PTPRG: variants seen among roughly 807,000 people sequenced by gnomAD.
PTPRG encodes the protein receptor-type tyrosine-protein phosphatase gamma.
PTPRG carries 102 observed loss-of-function variants against 165.3 expected under a neutral mutation model. That is an observed-to-expected ratio of 0.62 (90% confidence interval 0.53 to 0.73). The LOEUF is 0.73. Among genes scored for constraint, PTPRG ranks in the 30% least tolerant of loss-of-function variants. The pLI, the probability that PTPRG is intolerant of heterozygous loss-of-function variation, is 0.00. For missense variants in PTPRG, 1,866 were observed against 1,861.4 expected (o/e 1.00, Z -0.05); for synonymous variants, 675 against 669.5 (o/e 1.01, Z -0.13).
chr3:61,956,238 G>C (rs2040025782), intron 2 of PTPRG, among the ~76,000 whole-genome samples: 1 of 151,778 alleles, frequency 6.6e-6, no homozygotes, highest in African/African-American at 2.4e-5. Flanking sequence ...ACATATGTAT[G>C]TCCCCATAAC....
At chr3:61,583,136 G>A (rs1700344176) in intron 1 of PTPRG, among the ~76,000 whole-genome samples, 1 of 152,180 alleles carries the variant, frequency 6.6e-6, no homozygotes, top group African/African-American at 2.4e-5. Flanking sequence ...TTGTATCTTA[G>A]GTGCTTCCTC....
intron 2 of PTPRG, among the ~76,000 whole-genome samples, chr3:61,776,838 C>T (rs1193921250): frequency 6.6e-6 from 1 of 152,044 alleles, no homozygotes; most frequent in African/African-American, 2.4e-5. Flanking sequence ...TACTTCTTTG[C>T]CTAAGTGTTG....
chr3:61,767,164 A>G (rs1479816315), intron 2 of PTPRG, among the ~76,000 whole-genome samples: 1 of 139,994 alleles, frequency 7.1e-6, no homozygotes, highest in African/African-American at 2.6e-5. Flanking sequence ...GAATTCCTTG[A>G]ACCTGAGAGA....
At chr3:61,759,454 A>C (rs1335925987) in intron 2 of PTPRG, among the ~76,000 whole-genome samples, 1 of 151,996 alleles carries the variant, frequency 6.6e-6, no homozygotes, top group African/African-American at 2.4e-5. Context: ...GAGGAGTTCG[A>C]GACCAGCTTG....
At chr3:61,909,896 T>A (rs2038757785) in intron 2 of PTPRG, among the ~76,000 whole-genome samples, 2 of 152,330 alleles carry the variant, frequency 1.3e-5, no homozygotes, top group South Asian at 4.1e-4. Flanking sequence ...AACACTTTTT[T>A]AAAATTTGGA....
Position 62,218,921 on chromosome 3 carries a change from T to C in PTPRG, c.2226T>C (p.Ile742=), listed in dbSNP as rs757650773. The C allele has an allele frequency of 8.7e-6, 14 of 1,613,958 alleles. No homozygotes were observed. The South Asian group carries it at 1.3e-4, about 15-fold the overall frequency. The change falls in exon 13 of 30, where the codon ATT becomes ATC. Residue 742 remains isoleucine (I), a synonymous_variant. Transcript: ENST00000474889. ...PGRMEWIIPL[I]VVSALTFVCL... ...GGATGGAGTGGATCATCCCTCTGAT[T>C]GTGGTATCAGCCTTGACCTTCGTGT...
chr3:62,107,883 A>T (rs960139826), intron 5 of PTPRG, among the ~76,000 whole-genome samples: 3 of 152,210 alleles, frequency 2.0e-5, no homozygotes, highest in Non-Finnish European at 2.9e-5. Context: ...TAGACTTTTT[A>T]GCATATGCTG....
At chr3:61,791,730 C>G (rs9822176) in intron 2 of PTPRG, among the ~76,000 whole-genome samples, 38 of 152,132 alleles carry the variant, frequency 2.5e-4, no homozygotes, top group Non-Finnish European at 5.0e-4. Context: ...TCAGGTGATC[C>G]GCCCATCTCG....
chr3:62,020,850 T>G (rs2041672619), intron 4 of PTPRG, among the ~76,000 whole-genome samples: 1 of 151,626 alleles, frequency 6.6e-6, no homozygotes, highest in African/African-American at 2.4e-5. Context: ...TTTTTGTTTT[T>G]TTTTTTTGGA....
intron 2 of PTPRG, among the ~76,000 whole-genome samples, chr3:61,885,252 G>C (rs2037995674): frequency 6.6e-6 from 1 of 152,046 alleles, no homozygotes; most frequent in African/African-American, 2.4e-5. Context: ...TCTGAATTTT[G>C]ACTGCAGATC....
At chr3:61,593,008 A>C (rs1559515720) in intron 1 of PTPRG, among the ~76,000 whole-genome samples, 1 of 152,180 alleles carries the variant, frequency 6.6e-6, no homozygotes, top group Non-Finnish European at 1.5e-5. Context: ...TCTATGTCTT[A>C]CTACTCAGGG....
At chr3:62,064,258 T>C (rs1700924979) in intron 4 of PTPRG, among the ~76,000 whole-genome samples, 1 of 152,188 alleles carries the variant, frequency 6.6e-6, no homozygotes, top group Non-Finnish European at 1.5e-5. Context: ...GTTTGTGCTG[T>C]TTTTCCAGAC....
chr3:61,909,560 A>G (rs2038748972), intron 2 of PTPRG, among the ~76,000 whole-genome samples: 1 of 152,064 alleles, frequency 6.6e-6, no homozygotes, highest in African/African-American at 2.4e-5. Flanking sequence ...TGTGTTTCCT[A>G]GGCTCGTCTT....
At chr3:62,209,840 C>A (rs866530443) in intron 12 of PTPRG, among the ~76,000 whole-genome samples, 1 of 152,062 alleles carries the variant, frequency 6.6e-6, no homozygotes, top group Non-Finnish European at 1.5e-5. Flanking sequence ...AAAACCAGAC[C>A]CCACTAAGAA....
chr3:61,699,496 A>G (rs1263459555), intron 1 of PTPRG, among the ~76,000 whole-genome samples: 1 of 152,190 alleles, frequency 6.6e-6, no homozygotes, highest in Non-Finnish European at 1.5e-5. Flanking sequence ...TCATTAAGGG[A>G]AATTAAGTAT....
At position 61,647,556 on chromosome 3, in the gene PTPRG, C is replaced by T. The variant is rs181273318; in HGVS notation, c.85+85184C>T. On this transcript the variant is annotated intron_variant, in intron 1 of 29. Transcript: ENST00000474889. Reference sequence around the variant, plus strand: ...CTGTAATCCCAGCACTTTGGGAGGCCGAGGCGGGCGGATCACGAAGTCAGG... The same window carrying T: ...CTGTAATCCCAGCACTTTGGGAGGCTGAGGCGGGCGGATCACGAAGTCAGG... Among the ~76,000 whole-genome samples the T allele has an allele frequency of 3.7e-3, 569 of 152,050 alleles. 1 individual carries two copies. Among genetic ancestry groups the T allele is most frequent in the African/African-American group, 0.01 (419 of 41,486 alleles).
At chr3:62,061,604 A>C (rs1559773573) in intron 4 of PTPRG, among the ~76,000 whole-genome samples, 1 of 151,076 alleles carries the variant, frequency 6.6e-6, no homozygotes, top group Admixed American at 6.7e-5. Context: ...AAGCCTAAAA[A>C]ACATTACTTG....
intron 2 of PTPRG, among the ~76,000 whole-genome samples, chr3:61,846,267 T>G (rs1270209793): frequency 6.6e-6 from 1 of 152,214 alleles, no homozygotes; most frequent in Admixed American, 6.5e-5. Flanking sequence ...AGCAAGTAAT[T>G]AATTCGTACA....
At chr3:61,624,720 A>G (rs1701560298) in intron 1 of PTPRG, among the ~76,000 whole-genome samples, 2 of 152,204 alleles carry the variant, frequency 1.3e-5, no homozygotes, top group African/African-American at 4.8e-5. Flanking sequence ...CTCACCTTCT[A>G]GGGTCATTCT....
Sources: gnomAD v4.1 joint callset for allele counts (sites outside exome capture counted in the v4.1 genomes callset) on GRCh38, gnomAD v4.1.1 for gene constraint, MANE v1.5 for transcripts, NCBI Gene and HGNC (gene_info 2026-07-23, HGNC 2026-07-21) for gene names.